GOLM1: variants seen among roughly 807,000 people sequenced by gnomAD.
The protein encoded by GOLM1 is golgi membrane protein 1, also known as epididymis luminal protein 46.
GOLM1 carries 31 observed loss-of-function variants against 50.5 expected under a neutral mutation model. The ratio of observed to expected loss-of-function variants is 0.61; its 90% CI spans 0.46 to 0.83. The LOEUF (loss-of-function observed/expected upper bound fraction) is 0.83, where lower values mean the gene tolerates loss of function less well. Ranked by LOEUF, GOLM1 falls within the 40% of genes least tolerant of loss-of-function variation. The pLI is 0.00. For synonymous variants in GOLM1, 178 were observed against 192.8 expected, an observed-to-expected ratio of 0.92 and a Z score of 0.64; for missense variants, 491 against 501.3, an observed-to-expected ratio of 0.98 and a Z score of 0.20.
At chr9:86,028,668 A>G (rs549430385) in intron 9 of GOLM1, among the ~76,000 whole-genome samples, 24 of 151,630 alleles carry the variant, frequency 1.6e-4, no homozygotes, top group African/African-American at 4.9e-4. Context: ...TGCAACACAC[A>G]CCCAGTGGGG....
chr9:86,037,110 C>A (rs1227547433), intron 6 of GOLM1, among the ~76,000 whole-genome samples: 2 of 152,296 alleles, frequency 1.3e-5, no homozygotes, highest in South Asian at 4.1e-4. Flanking sequence ...TAAACCACAA[C>A]ACAAATTAGA....
chr9:86,048,799 C>A (rs1833642487), intron 4 of GOLM1, among the ~76,000 whole-genome samples: 1 of 152,038 alleles, frequency 6.6e-6, no homozygotes, highest in Non-Finnish European at 1.5e-5. Context: ...TAGGTAGATT[C>A]AAAAATTTTC....
In GOLM1 at chr9:86,026,577, C is replaced by T; in HGVS notation, c.*1240G>A. 2 of 940,550 alleles carry T rather than the reference C, an allele frequency of 2.1e-6. No homozygotes were observed. The highest frequency in any genetic ancestry group is 2.5e-6 in the Non-Finnish European group (2 of 789,058). The allele number at this position is 940,550 out of a possible 1,614,324, so 58.3% of individuals were successfully genotyped here. A position where few individuals can be genotyped will look rare whatever the true frequency, so the allele number is the denominator to read the frequency against. ...GATCAAACGATCTCTGGGGCCTTAGCATCTCAAATCCTGTGGATCCTCCTA... is the reference window on the plus strand; with the variant it reads ...GATCAAACGATCTCTGGGGCCTTAGTATCTCAAATCCTGTGGATCCTCCTA... On this transcript the variant is annotated 3_prime_UTR_variant, in exon 10 of 10. Transcript: ENST00000388712.
chr9:86,089,706 C>T (rs1204493543), intron 1 of GOLM1, among the ~76,000 whole-genome samples: 2 of 152,124 alleles, frequency 1.3e-5, no homozygotes, highest in Non-Finnish European at 2.9e-5. Context: ...TTAGAACATG[C>T]TCCTTTAGCT....
Position 86,026,798 on chromosome 9 carries a change from G to C in GOLM1, c.*1019C>G, listed in dbSNP as rs1461353883. On this transcript the variant is annotated 3_prime_UTR_variant, in exon 10 of 10. Coordinates refer to ENST00000388712, the MANE Select transcript of GOLM1 (RefSeq NM_016548.4). ...TTAACTTGATTTTAAAATCAGTTTT[G>C]TGAGTCATTTACCACAAGCTAAATG... The C allele has an allele frequency of 1.0e-6, 1 of 979,058 alleles. No individual in the cohort carries two copies. The highest frequency in any genetic ancestry group is 1.1e-4 in the East Asian group (1 of 8,798). 60.6% of individuals were successfully genotyped at this position (979,058 alleles called of 1,614,324 possible). A position where few individuals can be genotyped will look rare whatever the true frequency, so the allele number is the denominator to read the frequency against.
chr9:86,052,514 G>A (rs1401107592), intron 4 of GOLM1, 23 bp downstream of exon 4: 2 of 1,610,210 alleles, frequency 1.2e-6, no homozygotes, highest in Non-Finnish European at 1.7e-6. Flanking sequence ...AGTGCCTGGT[G>A]TGGAGGAGCG....
intron 3 of GOLM1, among the ~76,000 whole-genome samples, chr9:86,071,749 G>GT (rs1423943581): frequency 6.6e-6 from 1 of 151,886 alleles, no homozygotes; most frequent in Non-Finnish European, 1.5e-5. Flanking sequence ...AATATTTTTA[G>GT]TTTTTTAAGA....
At chr9:86,063,945 T>C (rs1312798020) in intron 3 of GOLM1, among the ~76,000 whole-genome samples, 2 of 152,218 alleles carry the variant, frequency 1.3e-5, no homozygotes, top group African/African-American at 4.8e-5. Flanking sequence ...AACCTCACAT[T>C]GCACGACAAT....
In GOLM1 at chr9:86,033,375, TCA is replaced by T; in HGVS notation, c.1034_1035del (p.Leu345GlnfsTer5). The stretch of plus-strand genomic sequence containing the variant: ...TCCATGTTGTAGTCATCTTCTCCTC[TCA>T]GTTTCTGCTGGTTTCTCCCTGTAAA... Reference protein sequence around the residue: ...AAGEGRNQQKLRGEDDYNMDE... With the variant: ...AAGEGRNQQKXRGEDDYNMDE... On this transcript the variant is annotated frameshift_variant, in exon 9 of 10. Coordinates refer to ENST00000388712, the MANE Select transcript of GOLM1 (RefSeq NM_016548.4). LOFTEE classifies it high-confidence loss of function. The T allele has an allele frequency of 6.2e-7, 1 of 1,609,798 alleles. No individual in the cohort carries two copies. Among genetic ancestry groups the T allele is most frequent in the Non-Finnish European group, 8.5e-7 (1 of 1,176,008 alleles).
At chr9:86,100,135 G>A (rs1363251498), upstream of GOLM1, 1 of 152,190 alleles carries the variant, frequency 6.6e-6, no homozygotes, top group Non-Finnish European at 1.5e-5. Flanking sequence ...TGCTAGCAAC[G>A]GAAAAAGTGA....
At chr9:86,088,526 G>T (rs1835063182) in intron 1 of GOLM1, among the ~76,000 whole-genome samples, 1 of 134,564 alleles carries the variant, frequency 7.4e-6, no homozygotes, top group Admixed American at 7.5e-5. Context: ...TTAAATCTTT[G>T]TTGGTTTAAA....
chr9:86,036,576 C>G, intron 6 of GOLM1, 69 bp from the exon 7 acceptor site: 1 of 1,510,970 alleles, frequency 6.6e-7, no homozygotes, highest in Non-Finnish European at 9.0e-7. Flanking sequence ...AAGAATCCTA[C>G]CAATGCAATG....
chr9:86,079,376 C>A (rs1172476641), intron 1 of GOLM1, 35 bp from the exon 2 acceptor site: 1 of 1,498,414 alleles, frequency 6.7e-7, no homozygotes, highest in African/African-American at 1.4e-5. Context: ...AACATCAATA[C>A]TAGTTTTATC....
chr9:86,077,319 C>T (rs1220787466), intron 3 of GOLM1, 93 bp downstream of exon 3: 3 of 1,014,424 alleles, frequency 3.0e-6, no homozygotes, highest in African/African-American at 1.6e-5. Context: ...AAATCTAAAC[C>T]CAGCCGCTTG....
At chr9:86,070,483 A>T (rs1331040003) in intron 3 of GOLM1, among the ~76,000 whole-genome samples, 1 of 151,552 alleles carries the variant, frequency 6.6e-6, no homozygotes, top group East Asian at 1.9e-4. Context: ...GAGGCAAATA[A>T]CTGCTTGAAC....
At chr9:86,059,578 G>A (rs1167876078) in intron 3 of GOLM1, among the ~76,000 whole-genome samples, 2 of 152,062 alleles carry the variant, frequency 1.3e-5, no homozygotes, top group African/African-American at 4.8e-5. Context: ...TGCTTAATGG[G>A]TACACATTTC....
rs190371713 is a variant in GOLM1, at chr9:86,052,685, A to G, written c.310-94T>C. ...AAACCAATGATGGGGCCTGTCCCCA[A>G]CCCAGCGCTGCTGTCAGGGAAGGAG... On this transcript the variant is annotated intron_variant, in intron 3 of 9. Transcript: ENST00000388712. 2.3e-3 allele frequency: 2,321 copies of G among 1,000,864 alleles called. 61 individuals are homozygous for G. The South Asian group carries it at 0.027, about 12-fold the overall frequency. The allele number at this position is 1,000,864 out of a possible 1,614,324, so 62.0% of individuals were successfully genotyped here. A position where few individuals can be genotyped will look rare whatever the true frequency, so the allele number is the denominator to read the frequency against.
In GOLM1 at chr9:86,026,456, A is replaced by G; in HGVS notation, c.*1361T>C. 1.0e-6 allele frequency: 1 copy of G among 980,394 alleles called. No individual in the cohort carries two copies. The highest frequency in any genetic ancestry group is 1.2e-6 in the Non-Finnish European group (1 of 825,410). 60.7% of individuals were successfully genotyped at this position (980,394 alleles called of 1,614,324 possible). A position where few individuals can be genotyped will look rare whatever the true frequency, so the allele number is the denominator to read the frequency against. ...TGACTGTGTGCCTGTAGTCCCAGCT[A>G]CTCGGGAGTCTGTGTGAGGCCAGGG... On this transcript the variant is annotated 3_prime_UTR_variant, in exon 10 of 10. Coordinates refer to ENST00000388712, the MANE Select transcript of GOLM1 (RefSeq NM_016548.4).
chr9:86,060,876 CAAAAAAAAAAAAAAAAAAAAAAA>C (rs753183065), intron 3 of GOLM1, among the ~76,000 whole-genome samples: 148 of 19,910 alleles, frequency 7.4e-3, no homozygotes, highest in Non-Finnish European at 0.016. Context: ...GAAACTCTCT[CAAAAAAAAAAAAAAAAAAAAAAA>C]AAAAAAAAAA....
Sources: gnomAD v4.1 joint callset for allele counts (sites outside exome capture counted in the v4.1 genomes callset) on GRCh38, gnomAD v4.1.1 for gene constraint, MANE v1.5 for transcripts, NCBI Gene and HGNC (gene_info 2026-07-23, HGNC 2026-07-21) for gene names.